Variants in AP2A2 observed in about 807,000 individuals in gnomAD.
AP2A2 encodes adaptor related protein complex 2 subunit alpha 2.
AP2A2 carries 32 observed loss-of-function variants against 104.2 expected under a neutral mutation model. The ratio of observed to expected loss-of-function variants is 0.31; its 90% CI spans 0.23 to 0.41. The LOEUF is 0.41. Among genes scored for constraint, AP2A2 ranks in the 10% least tolerant of loss-of-function variants. The pLI is 1.00. For missense variants in AP2A2, 912 were observed against 1,261.0 expected, an observed-to-expected ratio of 0.72 and a Z score of 4.19; for synonymous variants, 539 against 533.3, an observed-to-expected ratio of 1.01 and a Z score of -0.15.
chr11:940,501 T>G (rs191345421), intron 1 of AP2A2, among the ~76,000 whole-genome samples: 29 of 152,370 alleles, frequency 1.9e-4, no homozygotes, highest in Admixed American at 1.8e-3. Context: ...AAGTTTGTCC[T>G]CTAGCCCTTG....
At chr11:989,544 C>T (rs1204093317) in intron 10 of AP2A2, among the ~76,000 whole-genome samples, 2 of 152,150 alleles carry the variant, frequency 1.3e-5, no homozygotes, top group African/African-American at 2.4e-5. Context: ...TTTTGGGTGT[C>T]CCTCTTGATC....
At chr11:940,982 G>C in intron 1 of AP2A2, 1 of 453,928 alleles carries the variant, frequency 2.2e-6, no homozygotes, top group East Asian at 7.0e-5. Context: ...GCGCTGTGCT[G>C]CTCTCACGAG....
At chr11:1,000,635 G>T (rs924386430) in intron 15 of AP2A2, 37 bp downstream of exon 15, 22 of 1,521,976 alleles carry the variant, frequency 1.4e-5, no homozygotes, top group Admixed American at 8.0e-5. Context: ...ACAGGCACGG[G>T]GCTGCCGTGC....
At chr11:965,358 CTG>C (rs1284918400) in intron 2 of AP2A2, among the ~76,000 whole-genome samples, 1 of 152,170 alleles carries the variant, frequency 6.6e-6, no homozygotes, top group African/African-American at 2.4e-5. Flanking sequence ...TTATGTCTGT[CTG>C]TGGAGTTTCT....
At chr11:949,772 C>G (rs1374509475) in intron 1 of AP2A2, among the ~76,000 whole-genome samples, 7 of 116,620 alleles carry the variant, frequency 6.0e-5, no homozygotes, top group Non-Finnish European at 1.3e-4. Context: ...GAGACTCTGT[C>G]TCAAAAAAGA....
chr11:966,525 A>G (rs1854622965), intron 2 of AP2A2, among the ~76,000 whole-genome samples: 1 of 152,102 alleles, frequency 6.6e-6, no homozygotes, highest in Admixed American at 6.6e-5. Context: ...TTTTTCTTTC[A>G]CTTGGGCAGC....
intron 2 of AP2A2, among the ~76,000 whole-genome samples, chr11:967,422 C>T (rs941126364): frequency 3.3e-5 from 5 of 151,860 alleles, no homozygotes; most frequent in Admixed American, 6.6e-5. Flanking sequence ...AGTGCAGTGG[C>T]GCGATCTCGG....
Position 926,038 on chromosome 11 carries a change from AG to A in AP2A2, c.22del (p.Asp8ThrfsTer23). On this transcript the variant is annotated frameshift_variant, in exon 1 of 22. Coordinates refer to ENST00000448903, the MANE Select transcript of AP2A2 (RefSeq NM_012305.4). LOFTEE classifies it high-confidence loss of function. MPAVS[K>X]GDGMRGLAVF... The stretch of plus-strand genomic sequence containing the variant: ...CGTCGGAAGATGCCGGCCGTGTCCA[AG>A]GGGGACGGGATGCGGGGCCTGGCGG... 1 of 1,393,246 alleles carries A rather than the reference AG, an allele frequency of 7.2e-7. No individual in the cohort carries two copies. The allele number at this position is 1,393,246 out of a possible 1,614,324, so 86.3% of individuals were successfully genotyped here.
At position 1,011,879 on chromosome 11, in the gene AP2A2, T is replaced by C; in HGVS notation, c.*1254T>C. 4.9e-6 allele frequency: 1 copy of C among 202,472 alleles called. No individual in the cohort carries two copies. The highest frequency in any genetic ancestry group is 8.1e-5 in the South Asian group (1 of 12,420). 12.5% of individuals were successfully genotyped at this position (202,472 alleles called of 1,614,324 possible). On this transcript the variant is annotated 3_prime_UTR_variant, in exon 22 of 22. Coordinates refer to ENST00000448903, the MANE Select transcript of AP2A2 (RefSeq NM_012305.4). ...CCCCTGCAGTGTGTGCACCCCACAATGTCTGCGGCTCTTCTTCCGGCGTGT... is the reference window on the plus strand; with the variant it reads ...CCCCTGCAGTGTGTGCACCCCACAACGTCTGCGGCTCTTCTTCCGGCGTGT...
At chr11:983,607 T>C (rs558523745) in intron 6 of AP2A2, among the ~76,000 whole-genome samples, 2 of 151,766 alleles carry the variant, frequency 1.3e-5, no homozygotes, top group African/African-American at 2.4e-5. Flanking sequence ...ATGGTCTCGA[T>C]CTCCTGACCT....
intron 1 of AP2A2, among the ~76,000 whole-genome samples, chr11:941,365 G>A (rs778588079): frequency 9.2e-5 from 14 of 152,182 alleles, no homozygotes; most frequent in Non-Finnish European, 1.9e-4. Flanking sequence ...CACATGCCCC[G>A]GCCCCCATTT....
At chr11:963,561 C>G (rs541824205) in intron 2 of AP2A2, among the ~76,000 whole-genome samples, 1 of 152,358 alleles carries the variant, frequency 6.6e-6, no homozygotes, top group Admixed American at 6.5e-5. Context: ...CCGCATGTGG[C>G]ATGAGGCTGC....
At chr11:990,345 C>G (rs1268449310) in intron 10 of AP2A2, among the ~76,000 whole-genome samples, 1 of 152,184 alleles carries the variant, frequency 6.6e-6, no homozygotes, top group Admixed American at 6.5e-5. Flanking sequence ...AGCCAGTGGT[C>G]CCTCTCTGGC....
chr11:974,682 C>CA (rs747053947), intron 4 of AP2A2, among the ~76,000 whole-genome samples: 7,872 of 49,456 alleles, frequency 0.16, 374 homozygotes, highest in Non-Finnish European at 0.21. Context: ...GACTCTGTCT[C>CA]AAAAAAAAAA....
intron 2 of AP2A2, among the ~76,000 whole-genome samples, chr11:963,665 G>C (rs1021885015): frequency 1.3e-5 from 2 of 152,184 alleles, no homozygotes; most frequent in Non-Finnish European, 2.9e-5. Context: ...ATCTTGCTCT[G>C]TTGACCAGGC....
chr11:982,511 G>A (rs999162637), intron 6 of AP2A2, among the ~76,000 whole-genome samples: 10 of 151,964 alleles, frequency 6.6e-5, no homozygotes, highest in Non-Finnish European at 1.2e-4. Context: ...TCACCATTAA[G>A]TATGATGTCT....
At chr11:942,322 C>G (rs117209802) in intron 1 of AP2A2, 1 of 152,320 alleles carries the variant, frequency 6.6e-6, no homozygotes, top group East Asian at 1.9e-4. Context: ...AATGGTGACT[C>G]GGCATTTATT....
intron 2 of AP2A2, 104 bp from the exon 3 acceptor site, chr11:970,065 G>C: frequency 2.3e-6 from 3 of 1,312,006 alleles, no homozygotes; most frequent in Non-Finnish European, 2.1e-6. Flanking sequence ...CTCTCCTGGA[G>C]GCTTGTCCGT....
chr11:933,302 A>G (rs1051238228), intron 1 of AP2A2, among the ~76,000 whole-genome samples: 4 of 152,152 alleles, frequency 2.6e-5, no homozygotes, highest in Admixed American at 1.3e-4. Flanking sequence ...AGAAATGAAC[A>G]GTTTTTACCA....
Sources: gnomAD v4.1 joint callset for allele counts (sites outside exome capture counted in the v4.1 genomes callset) on GRCh38, gnomAD v4.1.1 for gene constraint, MANE v1.5 for transcripts, NCBI Gene and HGNC (gene_info 2026-07-23, HGNC 2026-07-21) for gene names.